FAM135B: variants seen among roughly 807,000 people sequenced by gnomAD.
FAM135B encodes the protein family with sequence similarity 135 member B.
FAM135B carries 43 observed loss-of-function variants against 127.7 expected under a neutral mutation model. That is an observed-to-expected ratio of 0.34 (90% CI 0.26 to 0.43). FAM135B has a LOEUF of 0.43. FAM135B is among the 20% of genes least tolerant of loss of function. The pLI, the probability that FAM135B is intolerant of heterozygous loss-of-function variation, is 1.00. For synonymous variants in FAM135B, 670 were observed against 665.1 expected (o/e 1.01, Z -0.11); for missense variants, 1,558 against 1,725.6 (o/e 0.90, Z 1.72).
intron 2 of FAM135B, among the ~76,000 whole-genome samples, chr8:138,340,941 T>C (rs1020767865): frequency 1.3e-5 from 2 of 152,224 alleles, no homozygotes; most frequent in Non-Finnish European, 2.9e-5. Context: ...GTGCTTTTGT[T>C]CATCCCACAA....
intron 2 of FAM135B, among the ~76,000 whole-genome samples, chr8:138,315,247 C>A (rs1399837399): frequency 6.6e-6 from 1 of 152,056 alleles, no homozygotes; most frequent in Non-Finnish European, 1.5e-5. Context: ...CAGGGAAACA[C>A]AAATCAAAAC....
At chr8:138,405,448 G>C (rs1833421169) in intron 1 of FAM135B, among the ~76,000 whole-genome samples, 1 of 145,644 alleles carries the variant, frequency 6.9e-6, no homozygotes, top group Non-Finnish European at 1.5e-5. Flanking sequence ...CCACCTATGA[G>C]TGAGAACATG....
Position 138,310,977 on chromosome 8 carries a change from T to A in FAM135B, c.78-57A>T, listed in dbSNP as rs373547820. On this transcript the variant is annotated intron_variant, in intron 2 of 19. Coordinates refer to ENST00000395297, the MANE Select transcript of FAM135B (RefSeq NM_015912.4). Reference sequence around the variant, plus strand: ...GATCAGCCTTCTTAACGTTGACTTCTAAAAATACCTAGAATTAATCCTGAA... The same window carrying A: ...GATCAGCCTTCTTAACGTTGACTTCAAAAAATACCTAGAATTAATCCTGAA... The A allele has an allele frequency of 5.1e-6, 7 of 1,373,598 alleles. No individual in the cohort carries two copies. The South Asian group carries it at 7.4e-5, about 15-fold the overall frequency. The allele number at this position is 1,373,598 out of a possible 1,614,324, so 85.1% of individuals were successfully genotyped here. A position where few individuals can be genotyped will look rare whatever the true frequency, so the allele number is the denominator to read the frequency against.
At chr8:138,298,278 A>G (rs1048642603) in intron 3 of FAM135B, among the ~76,000 whole-genome samples, 7 of 152,202 alleles carry the variant, frequency 4.6e-5, no homozygotes, top group Admixed American at 3.3e-4. Flanking sequence ...AAGCCCATAT[A>G]TAATAAATTA....
intron 9 of FAM135B, among the ~76,000 whole-genome samples, chr8:138,185,415 T>A (rs1480753581): frequency 6.6e-6 from 1 of 152,212 alleles, no homozygotes; most frequent in African/African-American, 2.4e-5. Context: ...TCATGGGATC[T>A]GAGTGTCCTC....
At chr8:138,385,775 G>A (rs1832165221) in intron 1 of FAM135B, among the ~76,000 whole-genome samples, 1 of 152,060 alleles carries the variant, frequency 6.6e-6, no homozygotes, top group African/African-American at 2.4e-5. Context: ...TGGCACCAGT[G>A]CACACCAGTC....
intron 1 of FAM135B, among the ~76,000 whole-genome samples, chr8:138,422,168 C>T (rs1187182540): frequency 2.0e-5 from 3 of 152,046 alleles, no homozygotes; most frequent in African/African-American, 7.2e-5. Flanking sequence ...CATAAAAACC[C>T]TAGAAGAAAA....
At chr8:138,414,144 A>AT (rs1425910329) in intron 1 of FAM135B, among the ~76,000 whole-genome samples, 1 of 148,494 alleles carries the variant, frequency 6.7e-6, no homozygotes, top group African/African-American at 2.5e-5. Flanking sequence ...ATATATGCAC[A>AT]AAAAATATAT....
At chr8:138,406,967 G>C (rs1337016499) in intron 1 of FAM135B, among the ~76,000 whole-genome samples, 1 of 150,644 alleles carries the variant, frequency 6.6e-6, no homozygotes, top group Non-Finnish European at 1.5e-5. Context: ...AAGTCAAATT[G>C]TCCCTGTTTG....
In FAM135B at chr8:138,177,328, G is replaced by T. The variant is rs1261626888; in HGVS notation, c.1103+19C>A. The T allele has an allele frequency of 6.2e-7, 1 of 1,610,056 alleles. No homozygotes were observed. Among genetic ancestry groups the T allele is most frequent in the Non-Finnish European group, 8.5e-7 (1 of 1,177,088 alleles). On this transcript the variant is annotated intron_variant, in intron 11 of 19. Coordinates refer to ENST00000395297, the MANE Select transcript of FAM135B (RefSeq NM_015912.4). ...GTGGCTGCTTTTAGGGATGAAGTGG[G>T]CATGCAATGGATACTTACAGATTCT...
chr8:138,488,368 CAAAT>C (rs1175442373), intron 1 of FAM135B, among the ~76,000 whole-genome samples: 2 of 150,658 alleles, frequency 1.3e-5, no homozygotes, highest in Non-Finnish European at 2.9e-5. Context: ...TAATAGAAAA[CAAAT>C]AAACCGATGC....
intron 7 of FAM135B, among the ~76,000 whole-genome samples, chr8:138,235,234 AG>A (rs34848526): frequency 0.19 from 28,162 of 152,010 alleles, 2,856 homozygotes; most frequent in Non-Finnish European, 0.23. Flanking sequence ...ACAATGTGTC[AG>A]AAACTAATGA....
At chr8:138,420,163 C>G (rs1253048861) in intron 1 of FAM135B, among the ~76,000 whole-genome samples, 1 of 151,854 alleles carries the variant, frequency 6.6e-6, no homozygotes, top group Admixed American at 6.6e-5. Context: ...GGGGACACTA[C>G]CACTGACCCA....
At chr8:138,378,629 C>A (rs1831639786) in intron 1 of FAM135B, among the ~76,000 whole-genome samples, 1 of 152,132 alleles carries the variant, frequency 6.6e-6, no homozygotes, top group African/African-American at 2.4e-5. Flanking sequence ...ACATCTCTGA[C>A]CCTCACCTAC....
chr8:138,281,219 T>C (rs1824241258), intron 3 of FAM135B, among the ~76,000 whole-genome samples: 1 of 152,308 alleles, frequency 6.6e-6, no homozygotes, highest in African/African-American at 2.4e-5. Flanking sequence ...TTTTTCCTAT[T>C]TTATTTTACA....
chr8:138,193,415 G>A (rs1355843329), intron 9 of FAM135B, among the ~76,000 whole-genome samples: 4 of 152,106 alleles, frequency 2.6e-5, no homozygotes, highest in African/African-American at 7.2e-5. Context: ...AAAACAACAC[G>A]GAGAACCTGC....
chr8:138,145,934 A>G (rs1374985547), intron 15 of FAM135B, 25 bp downstream of exon 15: 2 of 1,283,248 alleles, frequency 1.6e-6, no homozygotes, highest in South Asian at 1.2e-5. Context: ...GGGTTCTTCC[A>G]GTTCTGATAT....
intron 7 of FAM135B, among the ~76,000 whole-genome samples, chr8:138,225,663 C>T (rs535203556): frequency 1.3e-5 from 2 of 152,186 alleles, no homozygotes; most frequent in South Asian, 2.1e-4. Flanking sequence ...AGGCACTGCT[C>T]TTAGGAGAAA....
chr8:138,224,502 T>C (rs1277067638), intron 7 of FAM135B, among the ~76,000 whole-genome samples: 1 of 152,212 alleles, frequency 6.6e-6, no homozygotes, highest in Non-Finnish European at 1.5e-5. Context: ...AGAGGCCCGA[T>C]CTCGGCTCAC....
Sources: gnomAD v4.1 joint callset for allele counts (sites outside exome capture counted in the v4.1 genomes callset) on GRCh38, gnomAD v4.1.1 for gene constraint, MANE v1.5 for transcripts, NCBI Gene and HGNC (gene_info 2026-07-23, HGNC 2026-07-21) for gene names.